LPP: variants seen among roughly 807,000 people sequenced by gnomAD.
The protein encoded by LPP is LIM domain containing preferred translocation partner in lipoma.
LPP carries 38 observed loss-of-function variants against 60.4 expected under a neutral mutation model. That is an observed-to-expected ratio of 0.63 (90% confidence interval 0.49 to 0.83). The LOEUF (loss-of-function observed/expected upper bound fraction) is 0.83, where lower values mean the gene tolerates loss of function less well. Ranked by LOEUF, LPP falls within the 40% of genes least tolerant of loss-of-function variation. LPP has a pLI of 0.00. For synonymous variants in LPP, 328 were observed against 290.8 expected, an observed-to-expected ratio of 1.13 and a Z score of -1.30; for missense variants, 902 against 783.6, an observed-to-expected ratio of 1.15 and a Z score of -1.80.
rs563408618 is a variant in LPP at position 188,806,476 on chromosome 3, T to TA, written c.1410+46195dup. Among the ~76,000 whole-genome samples the TA allele has an allele frequency of 3.6e-4, 54 of 152,078 alleles. 1 individual carries two copies. The highest frequency in any genetic ancestry group is 1.3e-3 in the African/African-American group (53 of 41,586). On this transcript the variant is annotated intron_variant, in intron 9 of 11. Coordinates refer to ENST00000617246, the MANE Select transcript of LPP (RefSeq NM_001375462.1). ...TTGAAGTAGCTTGCTTTTAGACAGATACGTCTTTCATTTTATCCAATTTGA... is the reference window on the plus strand; with the variant it reads ...TTGAAGTAGCTTGCTTTTAGACAGATAACGTCTTTCATTTTATCCAATTTGA...
chr3:188,502,827 A>G (rs1277338557), intron 5 of LPP, among the ~76,000 whole-genome samples: 1 of 152,144 alleles, frequency 6.6e-6, no homozygotes, highest in African/African-American at 2.4e-5. Flanking sequence ...CACCTAATAT[A>G]AAGCTTATTT....
intron 6 of LPP, among the ~76,000 whole-genome samples, chr3:188,604,183 A>G (rs1286855788): frequency 3.9e-5 from 6 of 152,150 alleles, no homozygotes; most frequent in Non-Finnish European, 2.9e-5. Flanking sequence ...TCTCATAGTG[A>G]ATCTAGTAAG....
intron 7 of LPP, among the ~76,000 whole-genome samples, chr3:188,639,442 G>A (rs13059031): frequency 0.2 from 30,490 of 151,454 alleles, 3,347 homozygotes; most frequent in South Asian, 0.37. Context: ...TTACCATTCA[G>A]GACATAGGCA....
chr3:188,834,909 A>G (rs1758020457), intron 9 of LPP, among the ~76,000 whole-genome samples: 1 of 152,204 alleles, frequency 6.6e-6, no homozygotes, highest in South Asian at 2.1e-4. Flanking sequence ...TTCATAGAGC[A>G]TGACAAAATT....
chr3:188,667,821 G>A (rs1303334221), intron 7 of LPP, among the ~76,000 whole-genome samples: 3 of 151,044 alleles, frequency 2.0e-5, no homozygotes, highest in African/African-American at 7.3e-5. Context: ...TGTAAAACAT[G>A]TGAATCTGAA....
chr3:188,412,195 C>T (rs1046013612), intron 4 of LPP, among the ~76,000 whole-genome samples: 6 of 152,176 alleles, frequency 3.9e-5, no homozygotes, highest in East Asian at 1.9e-4. Flanking sequence ...GCATGACATG[C>T]CAGTTCTCAC....
chr3:188,548,710 C>G (rs927214522), intron 6 of LPP, among the ~76,000 whole-genome samples: 9 of 152,158 alleles, frequency 5.9e-5, no homozygotes, highest in African/African-American at 1.9e-4. Context: ...AGCAACTGTG[C>G]CTCTTCCAGA....
chr3:188,310,591 G>A (rs1753091854), intron 2 of LPP, among the ~76,000 whole-genome samples: 2 of 152,178 alleles, frequency 1.3e-5, no homozygotes, highest in Admixed American at 1.3e-4. Context: ...ATAGATTTGA[G>A]TTTTCATCAC....
At chr3:188,675,864 G>A (rs979657719) in intron 7 of LPP, among the ~76,000 whole-genome samples, 1 of 152,098 alleles carries the variant, frequency 6.6e-6, no homozygotes, top group African/African-American at 2.4e-5. Context: ...AAGCACCCAG[G>A]AATCATGTCT....
chr3:188,282,008 C>T (rs746384394), intron 2 of LPP, among the ~76,000 whole-genome samples: 18 of 151,946 alleles, frequency 1.2e-4, no homozygotes, highest in South Asian at 2.1e-4. Flanking sequence ...CTTTGGGAGA[C>T]GTTTCTTCCC....
intron 3 of LPP, among the ~76,000 whole-genome samples, chr3:188,403,709 A>G (rs748472463): frequency 4.6e-5 from 7 of 152,228 alleles, no homozygotes; most frequent in Non-Finnish European, 1.0e-4. Flanking sequence ...AGTTATTCCA[A>G]ATGAACAGCT....
chr3:188,716,197 T>C (rs1376174974), intron 8 of LPP, among the ~76,000 whole-genome samples: 24 of 152,222 alleles, frequency 1.6e-4, no homozygotes, highest in Non-Finnish European at 2.9e-5. Flanking sequence ...CCAGTGGAAC[T>C]AGGCCTTCAT....
rs114645357 is a variant in LPP at position 188,217,208 on chromosome 3, T to A, written c.-189-8197T>A. ...GGACTCTGGGAGGTTATGTTTAAGC[T>A]GAGATCTGAGTGACAAGGAGGCCAC... On this transcript the variant is annotated intron_variant, in intron 1 of 11. Coordinates refer to ENST00000617246, the MANE Select transcript of LPP (RefSeq NM_001375462.1). This position sits in a 1 kb window ranked among gnomAD's most constrained non-coding sequence, Gnocchi z 4.0. Among the ~76,000 whole-genome samples, 1,786 of 152,220 alleles carry A rather than the reference T, an allele frequency of 0.012. 32 individuals are homozygous for A. The highest frequency in any genetic ancestry group is 0.041 in the African/African-American group (1,694 of 41,538).
intron 8 of LPP, 41 bp downstream of exon 8, chr3:188,708,434 G>A: frequency 2.5e-6 from 4 of 1,613,942 alleles, no homozygotes; most frequent in Non-Finnish European, 3.4e-6. Context: ...TAACTATCTT[G>A]CTCTGATTTC....
intron 3 of LPP, among the ~76,000 whole-genome samples, chr3:188,374,614 G>GCA (rs1774372549): frequency 6.6e-6 from 1 of 152,166 alleles, no homozygotes; most frequent in African/African-American, 2.4e-5. Context: ...GGGCTGAGAT[G>GCA]ATGGGGTTTT....
At chr3:188,280,350 C>T (rs1240690346) in intron 2 of LPP, among the ~76,000 whole-genome samples, 3 of 152,138 alleles carry the variant, frequency 2.0e-5, no homozygotes, top group Non-Finnish European at 4.4e-5. Flanking sequence ...GAAATTGATG[C>T]CTATGACAAT....
rs1769941104 is a variant in LPP at position 188,881,118 on chromosome 3, C to A, written c.*6639C>A. On this transcript the variant is annotated 3_prime_UTR_variant, in exon 12 of 12. Transcript: ENST00000617246. ...TAGCGCCACTGCAGTCCGGCCTGGG[C>A]GAAAGAGCGAGACTCCGTCTCAAAA... The A allele has an allele frequency of 1.2e-5, 1 of 84,326 alleles. No homozygotes were observed. Among genetic ancestry groups the A allele is most frequent in the Non-Finnish European group, 2.7e-5 (1 of 36,384 alleles). The allele number at this position is 84,326 out of a possible 1,614,324, so 5.2% of individuals were successfully genotyped here. A position where few individuals can be genotyped will look rare whatever the true frequency, so the allele number is the denominator to read the frequency against.
chr3:188,256,985 G>C (rs938653955), intron 2 of LPP, among the ~76,000 whole-genome samples: 6 of 152,198 alleles, frequency 3.9e-5, no homozygotes, highest in African/African-American at 1.4e-4. Context: ...CCTTGAGGAA[G>C]TTAGGGAGTG....
chr3:188,647,472 G>A (rs1272337058), intron 7 of LPP, among the ~76,000 whole-genome samples: 1 of 152,146 alleles, frequency 6.6e-6, no homozygotes, highest in Non-Finnish European at 1.5e-5. Context: ...CTTGGGTTTT[G>A]TTTGACTTAG....
Sources: allele counts gnomAD v4.1 joint callset (sites outside exome capture counted in the v4.1 genomes callset), GRCh38; gene constraint gnomAD v4.1.1; non-coding constraint Gnocchi (gnomAD v3.1); transcripts MANE v1.5; gene names NCBI Gene and HGNC (gene_info 2026-07-23, HGNC 2026-07-21).